Variants in SULT4A1 observed in about 807,000 individuals in gnomAD.
SULT4A1 encodes the protein sulfotransferase family 4A member 1.
A neutral mutation model predicts 35.2 loss-of-function variants in SULT4A1; 11 were observed. That is an observed-to-expected ratio of 0.31 (90% CI 0.20 to 0.52). The LOEUF (loss-of-function observed/expected upper bound fraction) is 0.52, where lower values mean the gene tolerates loss of function less well. SULT4A1 is among the 20% of genes least tolerant of loss of function. SULT4A1 has a pLI of 0.97. For missense variants in SULT4A1, 271 were observed against 383.7 expected, an observed-to-expected ratio of 0.71 and a Z score of 2.45; for synonymous variants, 152 against 151.8, an observed-to-expected ratio of 1.00 and a Z score of -0.01.
rs151255379 is a variant in SULT4A1, at chr22:43,842,353, T to A, written c.170-421A>T. Among the ~76,000 whole-genome samples, 354 of 152,252 alleles carry A rather than the reference T, an allele frequency of 2.3e-3. 3 individuals are homozygous for A. Among genetic ancestry groups the A allele is most frequent in the African/African-American group, 7.9e-3 (328 of 41,526 alleles). On this transcript the variant is annotated intron_variant, in intron 1 of 6. Transcript: ENST00000330884. ...CTGCCCAGTATCTACTGAAGCTATA[T>A]ACACATAGCCCATGATCCAGGAACT...
In SULT4A1 at chr22:43,825,778, C is replaced by T; in HGVS notation, c.*223G>A. 1 of 514,116 alleles carries T rather than the reference C, an allele frequency of 1.9e-6. No individual in the cohort carries two copies. 31.8% of individuals were successfully genotyped at this position (514,116 alleles called of 1,614,324 possible). ...GGCCATTGGAACTGCAATGTGGAGACTGTTTGTAATCAGACATGGAGAGGC... is the reference window on the plus strand; with the variant it reads ...GGCCATTGGAACTGCAATGTGGAGATTGTTTGTAATCAGACATGGAGAGGC... On this transcript the variant is annotated 3_prime_UTR_variant, in exon 7 of 7. Transcript: ENST00000330884.
At chr22:43,832,576 C>T (rs1244548843) in intron 5 of SULT4A1, among the ~76,000 whole-genome samples, 1 of 151,998 alleles carries the variant, frequency 6.6e-6, no homozygotes, top group Non-Finnish European at 1.5e-5. Context: ...CCCAGGATCA[C>T]AGTGCACACA....
rs1384917095 is a variant in SULT4A1, at chr22:43,825,847, TCA to T, written c.*152_*153del. ...GACAGCTGCTTTCGGTTGGGAATCA[TCA>T]CACTCCCTCCGCTCACGCCGCTCTT... On this transcript the variant is annotated 3_prime_UTR_variant, in exon 7 of 7. Coordinates refer to ENST00000330884, the MANE Select transcript of SULT4A1 (RefSeq NM_014351.4). The T allele has an allele frequency of 2.8e-6, 2 of 708,480 alleles. No individual in the cohort carries two copies. The highest frequency in any genetic ancestry group is 2.9e-5 in the Admixed American group (1 of 34,042). 43.9% of individuals were successfully genotyped at this position (708,480 alleles called of 1,614,324 possible).
chr22:43,842,039 TG>T, intron 1 of SULT4A1, 107 bp from the exon 2 acceptor site: 1 of 1,468,924 alleles, frequency 6.8e-7, no homozygotes. Context: ...GAGCCCCAGG[TG>T]GGGCCCAGGG....
intron 5 of SULT4A1, among the ~76,000 whole-genome samples, chr22:43,831,630 C>A (rs1027602080): frequency 2.0e-5 from 3 of 152,262 alleles, no homozygotes; most frequent in Non-Finnish European, 4.4e-5. Context: ...GACCACAGCA[C>A]AGGAAAGAAC....
intron 4 of SULT4A1, 113 bp from the exon 5 acceptor site, chr22:43,833,847 A>C: frequency 1.2e-6 from 1 of 865,388 alleles, no homozygotes; most frequent in Non-Finnish European, 1.8e-6. Flanking sequence ...CGTGATGAGG[A>C]CATCGTGATC....
chr22:43,856,726 C>T (rs893022086), intron 1 of SULT4A1, among the ~76,000 whole-genome samples: 41 of 152,282 alleles, frequency 2.7e-4, no homozygotes, highest in African/African-American at 8.7e-4. Flanking sequence ...GCTAACACTA[C>T]AATAATATGA....
chr22:43,836,149 C>G (rs2063370179), intron 4 of SULT4A1, among the ~76,000 whole-genome samples: 1 of 152,024 alleles, frequency 6.6e-6, no homozygotes, highest in Non-Finnish European at 1.5e-5. Flanking sequence ...ACACAGCGTC[C>G]TCACACTGCA....
rs1008766833 is a variant in SULT4A1 at position 43,829,295 on chromosome 22, C to A, written c.604-97G>T. 16 of 1,325,148 alleles carry A rather than the reference C, an allele frequency of 1.2e-5. No homozygotes were observed. The African/African-American group carries it at 2.4e-4, about 20-fold the overall frequency. The allele number at this position is 1,325,148 out of a possible 1,614,324, so 82.1% of individuals were successfully genotyped here. A position where few individuals can be genotyped will look rare whatever the true frequency, so the allele number is the denominator to read the frequency against. On this transcript the variant is annotated intron_variant, in intron 5 of 6. Transcript: ENST00000330884. ...GGGCACACGCTGAGGACTTTTTACA[C>A]ACGGCCTTCCTTACTTAATGCTCAC...
At position 43,862,241 on chromosome 22, in the gene SULT4A1, C is replaced by T; in HGVS notation, c.142G>A (p.Val48Met). Reference sequence around the variant, plus strand: ...GACTTGGGGTAGGTGACGATCCACACGTCGCTGGGCCGCACCGGGAAGTTG... The same window carrying T: ...GACTTGGGGTAGGTGACGATCCACATGTCGCTGGGCCGCACCGGGAAGTTG... ...IANFPVRPSD[V>M]WIVTYPKSGT... Residue 48 changes from valine (V) to methionine (M), a missense_variant, in exon 1 of 7, where the codon GTG (valine) becomes ATG (methionine). Coordinates refer to ENST00000330884, the MANE Select transcript of SULT4A1 (RefSeq NM_014351.4). The T allele has an allele frequency of 6.4e-7, 1 of 1,564,790 alleles. No homozygotes were observed. The highest frequency in any genetic ancestry group is 2.5e-5 in the East Asian group (1 of 39,412).
chr22:43,827,523 G>A (rs878943005), intron 6 of SULT4A1: 1 of 1,352,382 alleles, frequency 7.4e-7, no homozygotes, highest in South Asian at 1.2e-5. Context: ...CCTGGTTTAG[G>A]ATTTGGAATC....
chr22:43,848,260 G>A (rs963524845), intron 1 of SULT4A1, among the ~76,000 whole-genome samples: 3 of 152,128 alleles, frequency 2.0e-5, no homozygotes, highest in Non-Finnish European at 2.9e-5. Flanking sequence ...CACGCAGAAG[G>A]GCCACAAAGT....
At position 43,826,109 on chromosome 22, in the gene SULT4A1, T is replaced by C; in HGVS notation, c.747A>G (p.Arg249=). ...NAEALPVGRG[R]VGLWKDIFTV... is the part of the protein sequence containing the mutation. ...TGAAGATGTCCTTCCACAGCCCAAC[T>C]CTTCCTGAAACGCAAACAAGAGAAC... The change falls in exon 7 of 7, where the codon AGA becomes AGG. Residue 249 remains arginine, a synonymous_variant. Transcript: ENST00000330884. The C allele has an allele frequency of 6.2e-7, 1 of 1,614,044 alleles. No homozygotes were observed. The highest frequency in any genetic ancestry group is 1.7e-4 in the Middle Eastern group (1 of 6,058).
chr22:43,852,347 T>TG (rs962065421), intron 1 of SULT4A1, among the ~76,000 whole-genome samples: 6 of 119,080 alleles, frequency 5.0e-5, no homozygotes, highest in African/African-American at 7.8e-5. Flanking sequence ...TTTTTTTTGT[T>TG]GTTTTTTTTT....
chr22:43,857,521 T>C (rs1476131925), intron 1 of SULT4A1, among the ~76,000 whole-genome samples: 2 of 152,054 alleles, frequency 1.3e-5, no homozygotes, highest in Non-Finnish European at 2.9e-5. Context: ...AAAGAAACAT[T>C]TTCTAAGATA....
intron 1 of SULT4A1, among the ~76,000 whole-genome samples, chr22:43,842,171 G>A (rs993552551): frequency 6.6e-6 from 1 of 152,170 alleles, no homozygotes; most frequent in African/African-American, 2.4e-5. Context: ...GGGCTGTTAG[G>A]AGAACAGAAC....
intron 1 of SULT4A1, among the ~76,000 whole-genome samples, chr22:43,851,246 G>T (rs1424449988): frequency 6.6e-6 from 1 of 152,120 alleles, no homozygotes; most frequent in African/African-American, 2.4e-5. Flanking sequence ...CTTCACTGCT[G>T]GTTCCTTTAG....
intron 3 of SULT4A1, 22 bp downstream of exon 3, chr22:43,839,923 G>A: frequency 6.3e-7 from 1 of 1,593,318 alleles, no homozygotes; most frequent in Non-Finnish European, 8.6e-7. Flanking sequence ...CATCTCGGGA[G>A]GCAGAGGAGG....
chr22:43,847,764 G>A (rs2148297311), intron 1 of SULT4A1, among the ~76,000 whole-genome samples: 1 of 152,364 alleles, frequency 6.6e-6, no homozygotes, highest in African/African-American at 2.4e-5. Flanking sequence ...GTCCCACAGA[G>A]CCCTGGACAC....
Sources: allele counts gnomAD v4.1 joint callset (sites outside exome capture counted in the v4.1 genomes callset), GRCh38; gene constraint gnomAD v4.1.1; transcripts MANE v1.5; gene names NCBI Gene and HGNC (gene_info 2026-07-23, HGNC 2026-07-21).